The following STAC variants were observed in gnomAD, a reference collection of about 807,000 sequenced individuals.
STAC encodes the protein SH3 and cysteine-rich domain-containing protein.
A neutral mutation model predicts 48.8 loss-of-function variants in STAC; 43 were observed. The ratio of observed to expected loss-of-function variants is 0.88; its 90% CI spans 0.69 to 1.14. STAC has a LOEUF of 1.14. Ranked by LOEUF, STAC falls within the 50% of genes most tolerant of loss-of-function variation. The pLI is 0.00. For synonymous variants in STAC, 193 were observed against 179.5 expected (o/e 1.07, Z -0.60); for missense variants, 497 against 504.0 (o/e 0.99, Z 0.13).
intron 8 of STAC, chr3:36,506,132 C>G (rs1207726906): frequency 4.7e-6 from 1 of 214,782 alleles, no homozygotes; most frequent in African/African-American, 2.3e-5. Context: ...ACATGCTCAA[C>G]AGAACTGCTA....
At chr3:36,403,315 G>A (rs934518666) in intron 1 of STAC, among the ~76,000 whole-genome samples, 1 of 151,912 alleles carries the variant, frequency 6.6e-6, no homozygotes, top group Non-Finnish European at 1.5e-5. Flanking sequence ...ACAAACGACA[G>A]ATAATTAATA....
intron 1 of STAC, among the ~76,000 whole-genome samples, chr3:36,432,873 C>A (rs565800401): frequency 7.9e-5 from 12 of 152,280 alleles, no homozygotes; most frequent in Admixed American, 2.6e-4. Context: ...AATAGTACTG[C>A]CTCATAGGGT....
chr3:36,451,715 G>C (rs1396074762), intron 2 of STAC, among the ~76,000 whole-genome samples: 1 of 152,068 alleles, frequency 6.6e-6, no homozygotes, highest in Non-Finnish European at 1.5e-5. Context: ...GGATATTTAA[G>C]TTATCCATCA....
chr3:36,398,355 G>GA lies in STAC; in HGVS notation c.111+17604dup, dbSNP rs1553631478. Among the ~76,000 whole-genome samples the GA allele has an allele frequency of 3.4e-4, 46 of 133,486 alleles. 1 individual carries two copies. Among genetic ancestry groups the GA allele is most frequent in the African/African-American group, 1.2e-3 (42 of 34,976 alleles). 87.6% of individuals were successfully genotyped at this position (133,486 alleles called of 152,430 possible). A position where few individuals can be genotyped will look rare whatever the true frequency, so the allele number is the denominator to read the frequency against. On this transcript the variant is annotated intron_variant, in intron 1 of 10. Transcript: ENST00000273183. ...AGAAAGAAAGAAAGAAAGAAAGAAA[G>GA]AAAGAAAGAAAGAAAAGAAAGAGAG...
intron 6 of STAC, among the ~76,000 whole-genome samples, chr3:36,495,131 AG>A (rs1698108618): frequency 6.6e-6 from 1 of 152,220 alleles, no homozygotes; most frequent in Non-Finnish European, 1.5e-5. Flanking sequence ...ATCCCAAAGC[AG>A]TGACCTAGCC....
chr3:36,542,943 G>A (rs1237971725), intron 10 of STAC, among the ~76,000 whole-genome samples: 1 of 152,164 alleles, frequency 6.6e-6, no homozygotes, highest in Non-Finnish European at 1.5e-5. Context: ...AATAAATAAG[G>A]AAAGCAGGAA....
chr3:36,420,703 C>A (rs149509457), intron 1 of STAC, among the ~76,000 whole-genome samples: 115 of 152,326 alleles, frequency 7.5e-4, no homozygotes, highest in African/African-American at 2.5e-3. Context: ...GAAACTGGTC[C>A]CTGGTGCCAA....
At chr3:36,533,253 C>T (rs778550365) in intron 10 of STAC, among the ~76,000 whole-genome samples, 1 of 152,126 alleles carries the variant, frequency 6.6e-6, no homozygotes, top group Non-Finnish European at 1.5e-5. Flanking sequence ...CAGGCACAGG[C>T]ATCATCATCA....
intron 6 of STAC, among the ~76,000 whole-genome samples, chr3:36,499,405 G>C (rs1698229325): frequency 6.6e-6 from 1 of 151,988 alleles, no homozygotes; most frequent in Non-Finnish European, 1.5e-5. Flanking sequence ...TTTCTATTTT[G>C]TTAAAACATA....
chr3:36,408,633 A>C (rs1321889437), intron 1 of STAC, among the ~76,000 whole-genome samples: 1 of 152,228 alleles, frequency 6.6e-6, no homozygotes, highest in Non-Finnish European at 1.5e-5. Context: ...ATTAGAACAC[A>C]TACAAGAGAA....
intron 8 of STAC, among the ~76,000 whole-genome samples, chr3:36,525,575 C>CCG (rs967747651): frequency 6.6e-6 from 1 of 151,748 alleles, no homozygotes; most frequent in African/African-American, 2.4e-5. Context: ...GGTACCTCCC[C>CCG]CAGCTTTATT....
At chr3:36,476,454 G>T (rs1697496591) in intron 2 of STAC, among the ~76,000 whole-genome samples, 1 of 152,140 alleles carries the variant, frequency 6.6e-6, no homozygotes, top group South Asian at 2.1e-4. Flanking sequence ...GCCCTCAAGA[G>T]GCGTGACCCA....
intron 1 of STAC, among the ~76,000 whole-genome samples, chr3:36,418,477 T>C (rs1700369005): frequency 6.6e-6 from 1 of 152,154 alleles, no homozygotes; most frequent in Non-Finnish European, 1.5e-5. Flanking sequence ...GCTAATAGAA[T>C]GTGGCTTGTT....
At chr3:36,494,304 C>A (rs1698079051) in intron 6 of STAC, among the ~76,000 whole-genome samples, 1 of 152,128 alleles carries the variant, frequency 6.6e-6, no homozygotes, top group African/African-American at 2.4e-5. Flanking sequence ...ATTTATGAAG[C>A]ATTTACTATC....
intron 1 of STAC, among the ~76,000 whole-genome samples, chr3:36,394,833 G>T (rs553461592): frequency 1.3e-5 from 2 of 151,406 alleles, no homozygotes; most frequent in Non-Finnish European, 2.9e-5. Flanking sequence ...GGAGGCGGAG[G>T]TTGCATGCCA....
intron 2 of STAC, among the ~76,000 whole-genome samples, chr3:36,470,210 G>C (rs1697292465): frequency 6.6e-6 from 1 of 152,228 alleles, no homozygotes; most frequent in African/African-American, 2.4e-5. Flanking sequence ...TCAGAGGGGA[G>C]ATTTAGGATT....
intron 6 of STAC, among the ~76,000 whole-genome samples, chr3:36,500,192 G>A (rs939989161): frequency 6.6e-6 from 1 of 152,130 alleles, no homozygotes; most frequent in African/African-American, 2.4e-5. Flanking sequence ...GACACTCCAT[G>A]TAACAAGTAG....
At chr3:36,418,898 T>C (rs866264544) in intron 1 of STAC, among the ~76,000 whole-genome samples, 16 of 151,740 alleles carry the variant, frequency 1.1e-4, no homozygotes, top group African/African-American at 3.1e-4. Flanking sequence ...AAATACAAAA[T>C]TAGCCAGACA....
intron 2 of STAC, among the ~76,000 whole-genome samples, chr3:36,472,628 T>C (rs1222979079): frequency 1.3e-5 from 2 of 152,212 alleles, no homozygotes; most frequent in Admixed American, 1.3e-4. Context: ...TTTCTCAAGC[T>C]CAAAGTTCCA....
Sources: gnomAD v4.1 joint callset for allele counts (sites outside exome capture counted in the v4.1 genomes callset) on GRCh38, gnomAD v4.1.1 for gene constraint, MANE v1.5 for transcripts, NCBI Gene and HGNC (gene_info 2026-07-23, HGNC 2026-07-21) for gene names.